Variants in ANKUB1 observed in about 807,000 individuals in gnomAD.
ANKUB1 encodes the protein protein ANKUB1.
Under a neutral mutation model 49.3 loss-of-function variants are expected in ANKUB1, and 42 were observed. The ratio of observed to expected loss-of-function variants is 0.85; its 90% CI spans 0.67 to 1.10. The LOEUF (loss-of-function observed/expected upper bound fraction) is 1.10. Ranked by LOEUF, ANKUB1 falls within the 50% of genes least tolerant of loss-of-function variation. The pLI, the probability that ANKUB1 is intolerant of heterozygous loss-of-function variation, is 0.00. For synonymous variants in ANKUB1, 222 were observed against 231.0 expected (o/e 0.96, Z 0.35); for missense variants, 613 against 642.0 (o/e 0.95, Z 0.49).
intron 2 of ANKUB1, among the ~76,000 whole-genome samples, chr3:149,785,183 C>T (rs1718039449): frequency 6.6e-6 from 1 of 151,988 alleles, no homozygotes; most frequent in Non-Finnish European, 1.5e-5. Context: ...AGGTATATAC[C>T]ATAGAAAATA....
intron 2 of ANKUB1, among the ~76,000 whole-genome samples, chr3:149,784,937 A>G (rs925857035): frequency 2.0e-5 from 3 of 152,214 alleles, no homozygotes; most frequent in Non-Finnish European, 4.4e-5. Context: ...AGCCTACTAT[A>G]TATCTTATCT....
intron 1 of ANKUB1, among the ~76,000 whole-genome samples, chr3:149,791,371 C>T (rs1353538689): frequency 6.6e-6 from 1 of 152,186 alleles, no homozygotes; most frequent in African/African-American, 2.4e-5. Context: ...AGGAAGTCCA[C>T]ATGTCACTAT....
At chr3:149,766,563 G>A (rs1576667609) in intron 5 of ANKUB1, 2 of 373,662 alleles carry the variant, frequency 5.4e-6, no homozygotes, top group Non-Finnish European at 1.0e-5. Context: ...ACTTTGGGAG[G>A]CCAAGGTGGG....
chr3:149,789,788 C>T (rs148335246), intron 2 of ANKUB1, among the ~76,000 whole-genome samples: 3 of 152,046 alleles, frequency 2.0e-5, no homozygotes, highest in Non-Finnish European at 4.4e-5. Context: ...TGCCATCACG[C>T]GCAGCTAATT....
chr3:149,786,278 A>G (rs1718096580), intron 2 of ANKUB1, among the ~76,000 whole-genome samples: 1 of 151,978 alleles, frequency 6.6e-6, no homozygotes, highest in East Asian at 1.9e-4. Flanking sequence ...CTCATGATCT[A>G]CCCACCTCGA....
Position 149,767,778 on chromosome 3 carries a change from C to T in ANKUB1, c.884G>A (p.Ser295Asn). The change falls in exon 5 of 6, where the codon AGT (serine) becomes AAT (asparagine). Residue 295 changes from serine (S) to asparagine (N), a missense_variant. Coordinates refer to ENST00000446160, the MANE Select transcript of ANKUB1 (RefSeq NM_001144960.3). ...AAAAGAAACTGTGGACCACATTTTA[C>T]TGAGCAAATATAATACACAGTCTTT... ...KHKDCVLYLL[S>N]KMWSTVSFPK... is the part of the protein sequence containing the mutation. 1 of 1,551,702 alleles carries T rather than the reference C, an allele frequency of 6.4e-7. No individual in the cohort carries two copies. The highest frequency in any genetic ancestry group is 8.7e-7 in the Non-Finnish European group (1 of 1,146,972).
At chr3:149,787,100 T>C (rs1442406307) in intron 2 of ANKUB1, among the ~76,000 whole-genome samples, 4 of 152,228 alleles carry the variant, frequency 2.6e-5, no homozygotes, top group Non-Finnish European at 5.9e-5. Flanking sequence ...TTTTTTCCAA[T>C]TCTGTGAAGA....
chr3:149,789,517 A>C (rs1257230229), intron 2 of ANKUB1, among the ~76,000 whole-genome samples: 1 of 152,238 alleles, frequency 6.6e-6, no homozygotes, highest in East Asian at 1.9e-4. Flanking sequence ...GCAGAAAATA[A>C]AACATTAAAA....
At position 149,776,340 on chromosome 3, in the gene ANKUB1, T is replaced by C. The variant is rs574350969; in HGVS notation, c.451+3899A>G. ...CTCAGCATGTCCTGAGTGCCAGCCA[T>C]TGGCCCTTAAGACATTCCTCTCTAT... On this transcript the variant is annotated intron_variant, in intron 3 of 5. Coordinates refer to ENST00000446160, the MANE Select transcript of ANKUB1 (RefSeq NM_001144960.3). Among the ~76,000 whole-genome samples, 245 of 152,298 alleles carry C rather than the reference T, an allele frequency of 1.6e-3. 2 individuals are homozygous for C. The highest frequency in any genetic ancestry group is 5.8e-3 in the African/African-American group (240 of 41,554).
At chr3:149,787,321 T>C (rs912972366) in intron 2 of ANKUB1, among the ~76,000 whole-genome samples, 2 of 152,114 alleles carry the variant, frequency 1.3e-5, no homozygotes, top group Non-Finnish European at 2.9e-5. Context: ...AGGTATTTTA[T>C]TCTCTTTGTA....
chr3:149,780,521 G>A, intron 2 of ANKUB1, 66 bp from the exon 3 acceptor site: 1 of 1,282,882 alleles, frequency 7.8e-7, no homozygotes, highest in East Asian at 2.5e-5. Flanking sequence ...GCATTTCAGA[G>A]GGTAGCTTTG....
chr3:149,779,316 C>T (rs376439363), intron 3 of ANKUB1: 1 of 152,120 alleles, frequency 6.6e-6, no homozygotes, highest in African/African-American at 2.4e-5. Flanking sequence ...TGGGCACCAC[C>T]ACATCCTGCT....
At position 149,767,867 on chromosome 3, in the gene ANKUB1, C is replaced by T; in HGVS notation, c.795G>A (p.Leu265=). The T allele has an allele frequency of 1.3e-6, 2 of 1,551,718 alleles. No homozygotes were observed. The highest frequency in any genetic ancestry group is 3.3e-4 in the Middle Eastern group (2 of 5,992). The change falls in exon 5 of 6, where the codon CTG becomes CTA. Residue 265 remains leucine (L), a synonymous_variant. Coordinates refer to ENST00000446160, the MANE Select transcript of ANKUB1 (RefSeq NM_001144960.3). ...CTGCTGCATTTTTGCATTCCAGGCA[C>T]AGCACACTGTAGTTGACAAAGGCCT... ...ILKAFVNYSV[L]CLECKNAAGQ...
chr3:149,770,339 A>G (rs1388858723), intron 4 of ANKUB1, among the ~76,000 whole-genome samples: 1 of 152,148 alleles, frequency 6.6e-6, no homozygotes, highest in African/African-American at 2.4e-5. Flanking sequence ...TTTCCTGAGG[A>G]AAGTCTACCT....
chr3:149,780,156 T>C, intron 3 of ANKUB1, 83 bp downstream of exon 3: 1 of 1,113,518 alleles, frequency 9.0e-7, no homozygotes, highest in Non-Finnish European at 1.3e-6. Flanking sequence ...TAGATTTCTA[T>C]TTTCTCTTGA....
chr3:149,767,164 C>T lies in ANKUB1; in HGVS notation c.1498G>A (p.Val500Met), dbSNP rs766951996. ...PWENAIYCLA[V>M]ASAFKEKRWL... ...TTAAGGGGAGAACATTACCTTGCCA[C>T]AGCTAAGCAGTAGATTGCGTTCTCC... is the stretch of plus-strand genomic sequence containing the variant. Residue 500 changes from valine to methionine, a missense_variant, in exon 5 of 6, where the codon GTG (valine) becomes ATG (methionine). Val to Met is a conservative substitution (Grantham distance 21, BLOSUM62 1). Coordinates refer to ENST00000446160, the MANE Select transcript of ANKUB1 (RefSeq NM_001144960.3). 3 of 1,519,390 alleles carry T rather than the reference C, an allele frequency of 2.0e-6. No homozygotes were observed. Among genetic ancestry groups the T allele is most frequent in the South Asian group, 1.3e-5 (1 of 78,026 alleles). The allele number at this position is 1,519,390 out of a possible 1,614,324, so 94.1% of individuals were successfully genotyped here. A position where few individuals can be genotyped will look rare whatever the true frequency, so the allele number is the denominator to read the frequency against.
intron 3 of ANKUB1, among the ~76,000 whole-genome samples, chr3:149,774,875 GGAA>G (rs1156453793): frequency 6.6e-6 from 1 of 152,058 alleles, no homozygotes; most frequent in African/African-American, 2.4e-5. Context: ...AATTCTGTTG[GGAA>G]ATAGAAATTT....
At chr3:149,763,911 A>T (rs1716879463) in intron 5 of ANKUB1, 1 of 456,268 alleles carries the variant, frequency 2.2e-6, no homozygotes, top group South Asian at 1.5e-5. Flanking sequence ...TAAAGGTAGG[A>T]GTTCCTGAAT....
In ANKUB1 at chr3:149,767,278, G is replaced by T; in HGVS notation, c.1384C>A (p.Pro462Thr). 6.4e-7 allele frequency: 1 copy of T among 1,551,690 alleles called. No individual in the cohort carries two copies. The highest frequency in any genetic ancestry group is 1.2e-5 in the South Asian group (1 of 84,050). Residue 462 changes from proline (P) to threonine (T), a missense_variant, in exon 5 of 6, where the codon CCA becomes ACA. Transcript: ENST00000446160. ...CTGGGTGTTGCATAGAAAAACGATGGATGTGAATATCCCACTCTTGAAACT... is the reference window on the plus strand; with the variant it reads ...CTGGGTGTTGCATAGAAAAACGATGTATGTGAATATCCCACTCTTGAAACT... ...PPVSRVGYSH[P>T]SFFYATPSAD...
Sources: gnomAD v4.1 joint callset for allele counts (sites outside exome capture counted in the v4.1 genomes callset) on GRCh38, gnomAD v4.1.1 for gene constraint, MANE v1.5 for transcripts, NCBI Gene and HGNC (gene_info 2026-07-23, HGNC 2026-07-21) for gene names.